Variants in GOLIM4 observed in about 807,000 individuals in gnomAD.
GOLIM4 encodes 130 kDa golgi-localized phosphoprotein.
In GOLIM4, 71 loss-of-function variants were observed where a neutral mutation model predicts 107.4. The observed-to-expected ratio is 0.66, with a 90% CI of 0.55 to 0.81. The LOEUF (loss-of-function observed/expected upper bound fraction) is 0.81, where lower values mean the gene tolerates loss of function less well. GOLIM4 is among the 30% of genes least tolerant of loss of function. The pLI is 0.00. For missense variants in GOLIM4, 830 were observed against 826.1 expected, an observed-to-expected ratio of 1.00 and a Z score of -0.06; for synonymous variants, 327 against 294.8, an observed-to-expected ratio of 1.11 and a Z score of -1.12.
chr3:168,029,853 C>CCTG lies in GOLIM4; in HGVS notation c.1357_1359dup (p.Gln453dup), dbSNP rs550869030. ...CTCTGCAGGGCCATCTCTCTTGCCACCTGCTGCTGCTGCTGTTCCTGCTGC... is the reference window on the plus strand; with the variant it reads ...CTCTGCAGGGCCATCTCTCTTGCCACCTGCTGCTGCTGCTGCTGTTCCTGCTGC... On this transcript the variant is annotated inframe_insertion, in exon 10 of 16. Transcript: ENST00000470487. 6.5e-4 allele frequency: 1,042 copies of CCTG among 1,612,524 alleles called. 13 individuals carry two copies. In the East Asian group the frequency reaches 0.021, roughly 33 times the overall value.
intron 9 of GOLIM4, among the ~76,000 whole-genome samples, chr3:168,030,613 T>C (rs561133603): frequency 6.6e-6 from 1 of 152,168 alleles, no homozygotes; most frequent in South Asian, 2.1e-4. Flanking sequence ...TGGTGCCTTC[T>C]GATTAAAGGG....
At chr3:168,043,566 T>C (rs368878463) in intron 4 of GOLIM4, 37 bp from the exon 5 acceptor site, 2 of 1,544,604 alleles carry the variant, frequency 1.3e-6, no homozygotes, top group Non-Finnish European at 1.8e-6. Context: ...ATATACATTC[T>C]CTGAATTATA....
chr3:168,086,478 T>C (rs73878638), intron 1 of GOLIM4, among the ~76,000 whole-genome samples: 4,533 of 152,200 alleles, frequency 0.03, 231 homozygotes, highest in African/African-American at 0.1. Context: ...AACTGGAAAA[T>C]GAAATGTCTG....
intron 9 of GOLIM4, among the ~76,000 whole-genome samples, chr3:168,031,396 G>A (rs548680254): frequency 6.6e-6 from 1 of 152,222 alleles, no homozygotes; most frequent in South Asian, 2.1e-4. Flanking sequence ...GATGTGATGG[G>A]TTATCTAGAT....
At chr3:168,028,036 T>A (rs1216148539) in intron 11 of GOLIM4, among the ~76,000 whole-genome samples, 199 bp from the exon 12 acceptor site, 1 of 152,220 alleles carries the variant, frequency 6.6e-6, no homozygotes, top group Non-Finnish European at 1.5e-5. Flanking sequence ...AGAGATGATA[T>A]GGGTCAGACA....
intron 8 of GOLIM4, among the ~76,000 whole-genome samples, chr3:168,034,001 T>TA (rs1421092094): frequency 2.6e-5 from 4 of 152,206 alleles, no homozygotes; most frequent in African/African-American, 9.7e-5. Context: ...CTTCTTTGGT[T>TA]AGACTGCTCT....
At chr3:168,030,462 G>A (rs1295170907) in intron 9 of GOLIM4, among the ~76,000 whole-genome samples, 1 of 145,056 alleles carries the variant, frequency 6.9e-6, no homozygotes, top group Non-Finnish European at 1.5e-5. Context: ...ACCGAGGGAT[G>A]CTAATTAACT....
intron 8 of GOLIM4, among the ~76,000 whole-genome samples, chr3:168,035,800 CTT>C (rs1016164642): frequency 6.6e-6 from 1 of 151,722 alleles, no homozygotes; most frequent in African/African-American, 2.4e-5. Flanking sequence ...AAAACAACCA[CTT>C]TGTCAGAAAG....
intron 1 of GOLIM4, among the ~76,000 whole-genome samples, chr3:168,075,545 G>A (rs755632578): frequency 6.6e-5 from 10 of 151,808 alleles, no homozygotes; most frequent in Non-Finnish European, 1.3e-4. Flanking sequence ...TGATCCGCCT[G>A]CCTCGGCCTC....
chr3:168,093,408 G>T (rs1022536530), intron 1 of GOLIM4, among the ~76,000 whole-genome samples: 2 of 152,198 alleles, frequency 1.3e-5, no homozygotes, highest in Non-Finnish European at 2.9e-5. Flanking sequence ...CAGGCACAGT[G>T]TGGTGCTGAG....
chr3:168,032,377 G>T (rs1718378062), intron 9 of GOLIM4, 143 bp downstream of exon 9: 1 of 703,230 alleles, frequency 1.4e-6, no homozygotes, highest in South Asian at 1.8e-5. Context: ...CATTACAAGA[G>T]AAAACTTAAA....
intron 7 of GOLIM4, among the ~76,000 whole-genome samples, chr3:168,039,371 C>T (rs761611880): frequency 1.3e-5 from 2 of 151,426 alleles, no homozygotes; most frequent in Non-Finnish European, 2.9e-5. Context: ...TCCAGTGACT[C>T]TCCTGCCTCA....
rs78501395 is a variant in GOLIM4 at position 168,063,398 on chromosome 3, T to C, written c.188-15033A>G. Among the ~76,000 whole-genome samples the C allele has an allele frequency of 1.3e-3, 193 of 152,316 alleles. 1 individual carries two copies. In the East Asian group the frequency reaches 0.013, roughly 11 times the overall value. On this transcript the variant is annotated intron_variant, in intron 1 of 15. Transcript: ENST00000470487. ...GTATACTTTTTTTAAGATTTTATTT[T>C]TTTAATAGCACTTTTAGGTTCATAG...
intron 14 of GOLIM4, among the ~76,000 whole-genome samples, chr3:168,011,556 C>T (rs1717035757): frequency 6.6e-6 from 1 of 151,846 alleles, no homozygotes. Context: ...CTCAAGGAGG[C>T]CTGCCTGCCT....
Position 168,095,312 on chromosome 3 carries a change from C to T in GOLIM4, c.-27G>A. 6.3e-7 allele frequency: 1 copy of T among 1,596,350 alleles called. No homozygotes were observed. Among genetic ancestry groups the T allele is most frequent in the Non-Finnish European group, 8.5e-7 (1 of 1,171,358 alleles). On this transcript the variant is annotated 5_prime_UTR_variant, in exon 1 of 16. Coordinates refer to ENST00000470487, the MANE Select transcript of GOLIM4 (RefSeq NM_014498.5). ...GTCCCGCCTGGACCCAAAGCCGCGG[C>T]CGCCCCCGCCGTCTCCTCCCCTTGG...
intron 1 of GOLIM4, among the ~76,000 whole-genome samples, chr3:168,058,674 G>T (rs1560095759): frequency 6.6e-6 from 1 of 152,278 alleles, no homozygotes; most frequent in East Asian, 1.9e-4. Context: ...ATGACATAAT[G>T]AACTGCTGAG....
chr3:168,067,688 A>G (rs1159098137), intron 1 of GOLIM4, among the ~76,000 whole-genome samples: 1 of 152,162 alleles, frequency 6.6e-6, no homozygotes, highest in Admixed American at 6.5e-5. Flanking sequence ...AAGTAATTAT[A>G]GGAAATATAA....
chr3:168,084,173 C>G (rs1472612492), intron 1 of GOLIM4, among the ~76,000 whole-genome samples: 1 of 152,162 alleles, frequency 6.6e-6, no homozygotes, highest in Admixed American at 6.5e-5. Flanking sequence ...CCTCCCCCTT[C>G]ACCCTCTCTC....
chr3:168,024,494 C>T, intron 14 of GOLIM4, 32 bp downstream of exon 14: 1 of 1,437,252 alleles, frequency 7.0e-7, no homozygotes, highest in Non-Finnish European at 9.8e-7. Context: ...ACAGACCAAT[C>T]TGATCAGTCT....
Sources: allele counts gnomAD v4.1 joint callset (sites outside exome capture counted in the v4.1 genomes callset), GRCh38; gene constraint gnomAD v4.1.1; transcripts MANE v1.5; gene names NCBI Gene and HGNC (gene_info 2026-07-23, HGNC 2026-07-21).